ZFP1: variants seen among roughly 807,000 people sequenced by gnomAD.
The protein encoded by ZFP1 is zinc finger protein 1 homolog.
In ZFP1, 32 loss-of-function variants were observed where a neutral mutation model predicts 38.5. The ratio of observed to expected loss-of-function variants is 0.83; its 90% CI spans 0.63 to 1.12. The LOEUF is 1.12. Ranked by LOEUF, ZFP1 falls within the 50% of genes most tolerant of loss-of-function variation. The pLI is 0.00. For missense variants in ZFP1, 616 were observed against 480.8 expected (o/e 1.28, Z -2.63); for synonymous variants, 245 against 168.8 (o/e 1.45, Z -3.50).
chr16:75,122,888 T>A, the ZFP1 span, among the ~76,000 whole-genome samples: 1 of 152,250 alleles, frequency 6.6e-6, no homozygotes, highest in Non-Finnish European at 1.5e-5. Context: ...AGTGATAATT[T>A]TGCAATGGCA....
chr16:75,131,735 G>A, the ZFP1 span, among the ~76,000 whole-genome samples: 893 of 152,282 alleles, frequency 5.9e-3, 7 homozygotes, highest in Admixed American at 0.013. Flanking sequence ...AGGCCGAAGT[G>A]GGTGGGTCAC....
the ZFP1 span, among the ~76,000 whole-genome samples, chr16:75,130,812 T>C: frequency 6.6e-6 from 1 of 151,480 alleles, no homozygotes; most frequent in Non-Finnish European, 1.5e-5. Context: ...TTTTACAGTT[T>C]GATTCTTTTT....
chr16:75,126,806 ATGT>A, the ZFP1 span, among the ~76,000 whole-genome samples: 1 of 152,336 alleles, frequency 6.6e-6, no homozygotes, highest in South Asian at 2.1e-4. Flanking sequence ...ATTATAAATT[ATGT>A]TTTTTTCTGA....
At chr16:75,169,162 C>T (rs1597088980) in intron 3 of ZFP1, 91 bp from the exon 4 acceptor site, 3 of 1,451,258 alleles carry the variant, frequency 2.1e-6, no homozygotes, top group East Asian at 4.6e-5. Flanking sequence ...AGAGTCAGCC[C>T]TGTGATAGAA....
At chr16:75,160,443 A>G (rs2037707321) in intron 2 of ZFP1, among the ~76,000 whole-genome samples, 1 of 151,636 alleles carries the variant, frequency 6.6e-6, no homozygotes, top group African/African-American at 2.4e-5. Flanking sequence ...TAAAAATACA[A>G]AATTTAGCCA....
At chr16:75,153,748 C>G (rs933183436) in intron 2 of ZFP1, among the ~76,000 whole-genome samples, 1 of 152,150 alleles carries the variant, frequency 6.6e-6, no homozygotes, top group African/African-American at 2.4e-5. Context: ...TGTGTACATT[C>G]TGTGTATTTT....
chr16:75,168,139 G>A (rs1697426887), intron 3 of ZFP1, among the ~76,000 whole-genome samples: 1 of 152,182 alleles, frequency 6.6e-6, no homozygotes, highest in Non-Finnish European at 1.5e-5. Context: ...TTACAGGCAT[G>A]AGCCAGTGTG....
chr16:75,155,535 G>T (rs1237190344), intron 2 of ZFP1, among the ~76,000 whole-genome samples: 1 of 152,090 alleles, frequency 6.6e-6, no homozygotes, highest in Non-Finnish European at 1.5e-5. Flanking sequence ...ATCTTTAATT[G>T]TGTGACACAT....
the ZFP1 span, among the ~76,000 whole-genome samples, chr16:75,125,408 A>T: frequency 6.6e-6 from 1 of 152,038 alleles, no homozygotes; most frequent in Non-Finnish European, 1.5e-5. Flanking sequence ...TGCAGACTCC[A>T]CCTCCTAGGT....
chr16:75,124,451 C>T, the ZFP1 span, among the ~76,000 whole-genome samples: 19,002 of 148,394 alleles, frequency 0.13, 1,802 homozygotes, highest in East Asian at 0.55. Context: ...TGAGCCACCA[C>T]GCCCGGCTTC....
At chr16:75,126,504 A>T in the ZFP1 span, among the ~76,000 whole-genome samples, 1 of 152,084 alleles carries the variant, frequency 6.6e-6, no homozygotes, top group African/African-American at 2.4e-5. Flanking sequence ...CCCAGGTTCA[A>T]GTGATTCTCC....
chr16:75,126,553 G>A, the ZFP1 span, among the ~76,000 whole-genome samples: 4 of 152,190 alleles, frequency 2.6e-5, no homozygotes, highest in Middle Eastern at 3.4e-3. Flanking sequence ...ACAGGCATGC[G>A]CCACTACACC....
the ZFP1 span, among the ~76,000 whole-genome samples, chr16:75,125,104 C>A: frequency 2.0e-5 from 3 of 151,140 alleles, no homozygotes; most frequent in African/African-American, 7.3e-5. Context: ...ACTAAAAATA[C>A]AAAAATTAGC....
chr16:75,142,914 C>T, the ZFP1 span, among the ~76,000 whole-genome samples: 5 of 152,290 alleles, frequency 3.3e-5, no homozygotes, highest in East Asian at 7.7e-4. Flanking sequence ...ATTGGCCAGG[C>T]TGATCTTGAA....
chr16:75,149,781 A>C (rs1197838663), intron 1 of ZFP1, among the ~76,000 whole-genome samples: 2 of 148,568 alleles, frequency 1.3e-5, no homozygotes, highest in African/African-American at 2.5e-5. Flanking sequence ...ACATCACTCA[A>C]ATTTTTATAT....
the ZFP1 span, among the ~76,000 whole-genome samples, chr16:75,133,610 A>T: frequency 1.3e-5 from 2 of 152,148 alleles, no homozygotes; most frequent in Admixed American, 1.3e-4. Flanking sequence ...ATGGCTGCAT[A>T]ATTTTATTTT....
chr16:75,148,717 C>T (rs1467495927), intron 1 of ZFP1, 74 bp downstream of exon 1: 2 of 152,290 alleles, frequency 1.3e-5, no homozygotes, highest in Non-Finnish European at 2.9e-5. Context: ...GGGCTCGTGC[C>T]CGCGCAGGGT....
At chr16:75,131,970 A>G in the ZFP1 span, among the ~76,000 whole-genome samples, 2 of 149,576 alleles carry the variant, frequency 1.3e-5, no homozygotes, top group East Asian at 1.9e-4. Flanking sequence ...TTCCATCTCA[A>G]AAAAAAAAAA....
chr16:75,124,745 C>T, the ZFP1 span, among the ~76,000 whole-genome samples: 1 of 144,558 alleles, frequency 6.9e-6, no homozygotes, highest in African/African-American at 2.6e-5. Context: ...TGAGATGGTG[C>T]CACTGCACTC....
Sources: gnomAD v4.1 joint callset for allele counts (sites outside exome capture counted in the v4.1 genomes callset) on GRCh38, gnomAD v4.1.1 for gene constraint, MANE v1.5 for transcripts, NCBI Gene and HGNC (gene_info 2026-07-23, HGNC 2026-07-21) for gene names.